RAF1: variants seen among roughly 807,000 people sequenced by gnomAD.
RAF1 encodes the protein Raf-1 proto-oncogene, serine/threonine kinase.
In RAF1, 27 loss-of-function variants were observed where a neutral mutation model predicts 81.1. That is an observed-to-expected ratio of 0.33 (90% confidence interval 0.25 to 0.46). The LOEUF (loss-of-function observed/expected upper bound fraction) is 0.46. Ranked by LOEUF, RAF1 falls within the 20% of genes least tolerant of loss-of-function variation. The pLI is 1.00. For synonymous variants in RAF1, 298 were observed against 294.0 expected, an observed-to-expected ratio of 1.01 and a Z score of -0.14; for missense variants, 598 against 826.0, an observed-to-expected ratio of 0.72 and a Z score of 3.38.
chr3:12,612,447 G>A (rs1476347078), intron 2 of RAF1, among the ~76,000 whole-genome samples: 2 of 152,008 alleles, frequency 1.3e-5, no homozygotes, highest in Admixed American at 6.6e-5. Context: ...TCAGGAGTAC[G>A]AGACCAGCCT....
intron 1 of RAF1, among the ~76,000 whole-genome samples, chr3:12,622,278 C>T (rs111729172): frequency 6.6e-6 from 1 of 152,144 alleles, no homozygotes; most frequent in Non-Finnish European, 1.5e-5. Flanking sequence ...CTCATCTGAG[C>T]ATCTCACTAG....
intron 13 of RAF1, chr3:12,590,584 C>G: frequency 1.7e-6 from 1 of 583,568 alleles, no homozygotes; most frequent in South Asian, 1.9e-5. Context: ...CCTTGGCCTC[C>G]CAAAGTGCTG....
At chr3:12,638,838 C>T (rs941054466) in intron 1 of RAF1, among the ~76,000 whole-genome samples, 1 of 152,106 alleles carries the variant, frequency 6.6e-6, no homozygotes, top group African/African-American at 2.4e-5. Context: ...GAGTTCGAGA[C>T]CAACCTGGCC....
chr3:12,584,349 G>T lies in RAF1; in HGVS notation c.*165C>A. ...CCTTCTCCCAGGGCCCAAAGGGATA[G>T]AAAAGAAGGCAACATGAAGTTAAGG... On this transcript the variant is annotated 3_prime_UTR_variant, in exon 18 of 18. Transcript: ENST00000442415. 1.2e-6 allele frequency: 1 copy of T among 849,846 alleles called. No homozygotes were observed. The highest frequency in any genetic ancestry group is 1.8e-6 in the Non-Finnish European group (1 of 540,908). The allele number at this position is 849,846 out of a possible 1,614,324, so 52.6% of individuals were successfully genotyped here.
At chr3:12,630,079 G>A (rs2059817537) in intron 1 of RAF1, among the ~76,000 whole-genome samples, 1 of 152,086 alleles carries the variant, frequency 6.6e-6, no homozygotes, top group Admixed American at 6.6e-5. Flanking sequence ...CACTACACCT[G>A]GCCTAATTAT....
intron 1 of RAF1, among the ~76,000 whole-genome samples, chr3:12,633,352 G>C (rs1250217863): frequency 6.6e-6 from 1 of 151,598 alleles, no homozygotes; most frequent in Non-Finnish European, 1.5e-5. Context: ...ACACAGTGGC[G>C]AACGCCTGTA....
rs1337331936 is a variant in RAF1, at chr3:12,584,321, C to T, written c.*193G>A. The T allele has an allele frequency of 3.0e-6, 2 of 674,956 alleles. No individual in the cohort carries two copies. Among genetic ancestry groups the T allele is most frequent in the East Asian group, 5.6e-5 (2 of 35,986 alleles). 41.8% of individuals were successfully genotyped at this position (674,956 alleles called of 1,614,324 possible). On this transcript the variant is annotated 3_prime_UTR_variant, in exon 18 of 18. Coordinates refer to ENST00000442415, the MANE Select transcript of RAF1 (RefSeq NM_001354689.3). ...CAGGACACACCAGCACTGCAAATGG[C>T]TTCCTTCTCCCAGGGCCCAAAGGGA...
At chr3:12,610,028 G>A (rs1486240823) in intron 3 of RAF1, among the ~76,000 whole-genome samples, 1 of 151,982 alleles carries the variant, frequency 6.6e-6, no homozygotes, top group African/African-American at 2.4e-5. Flanking sequence ...GTAGTTGTAG[G>A]GTCTATAAGT....
At chr3:12,654,119 G>A (rs1378743515) in intron 1 of RAF1, among the ~76,000 whole-genome samples, 3 of 151,542 alleles carry the variant, frequency 2.0e-5, no homozygotes, top group African/African-American at 7.3e-5. Flanking sequence ...AGCCTACCAA[G>A]TAGCTGGGAC....
At chr3:12,609,722 C>T (rs897048915) in intron 3 of RAF1, among the ~76,000 whole-genome samples, 1 of 152,136 alleles carries the variant, frequency 6.6e-6, no homozygotes, top group African/African-American at 2.4e-5. Context: ...CTCAAGCGGT[C>T]CTCCTGCCTC....
intron 1 of RAF1, among the ~76,000 whole-genome samples, chr3:12,626,591 A>T (rs79043065): frequency 9.3e-5 from 3 of 32,336 alleles, no homozygotes; most frequent in South Asian, 6.3e-3. Context: ...ACCTTGTCTA[A>T]AAAAAAAAAA....
At chr3:12,585,483 C>G in intron 15 of RAF1, 198 bp downstream of exon 14, 2 of 958,406 alleles carry the variant, frequency 2.1e-6, no homozygotes, top group Non-Finnish European at 2.5e-6. Context: ...TTATTAACTC[C>G]TCTCCACACT....
Position 12,611,970 on chromosome 3 carries a change from T to C in RAF1, c.300A>G (p.Arg100=), listed in dbSNP as rs748200172. 4 of 1,614,140 alleles carry C rather than the reference T, an allele frequency of 2.5e-6. No individual in the cohort carries two copies. Among genetic ancestry groups the C allele is most frequent in the Non-Finnish European group, 3.4e-6 (4 of 1,179,970 alleles). Residue 100 remains arginine, a synonymous_variant, in exon 3 of 18, where the codon AGA becomes AGG. Coordinates refer to ENST00000442415, the MANE Select transcript of RAF1 (RefSeq NM_001354689.3). ...CTTACCCTTTGTGTTCGTGGAGAAG[T>C]CTGAACACTGCACAGCACTCTGGTT...
intron 1 of RAF1, among the ~76,000 whole-genome samples, chr3:12,662,338 T>TA (rs61275660): frequency 0.022 from 2,235 of 100,368 alleles, 30 homozygotes; most frequent in Non-Finnish European, 0.036. Flanking sequence ...CCTGTTCCTT[T>TA]AAAAAAAAAA....
At chr3:12,641,130 G>A (rs567716414) in intron 1 of RAF1, among the ~76,000 whole-genome samples, 29 of 146,138 alleles carry the variant, frequency 2.0e-4, no homozygotes, top group Middle Eastern at 3.5e-3. Context: ...ACCAAACGCC[G>A]CATATTCTCA....
In RAF1 at chr3:12,599,804, G is replaced by A; in HGVS notation, c.1055C>T (p.Pro352Leu). The A allele has an allele frequency of 6.2e-7, 1 of 1,612,106 alleles. No individual in the cohort carries two copies. Among genetic ancestry groups the A allele is most frequent in the Non-Finnish European group, 8.5e-7 (1 of 1,178,202 alleles). Reference sequence around the variant, plus strand: ...ATAGCTTGAATCTCTCTGTCCACGAGGCCTCTGAAACAAGTAGAGATCATT... The same window carrying A: ...ATAGCTTGAATCTCTCTGTCCACGAAGCCTCTGAAACAAGTAGAGATCATT... Residue 352 changes from proline (P) to leucine (L), a missense_variant, in exon 11 of 18, where the codon CCT becomes CTT. By Grantham distance (98) the Pro-to-Leu change is moderately conservative. Coordinates refer to ENST00000442415, the MANE Select transcript of RAF1 (RefSeq NM_001354689.3).
chr3:12,624,093 G>T (rs1281609124), intron 1 of RAF1, among the ~76,000 whole-genome samples: 1 of 151,920 alleles, frequency 6.6e-6, no homozygotes, highest in Admixed American at 6.6e-5. Flanking sequence ...GACCTCAGGT[G>T]ATCCACCCGC....
chr3:12,632,264 C>G (rs2059885565), intron 1 of RAF1, among the ~76,000 whole-genome samples: 1 of 142,146 alleles, frequency 7.0e-6, no homozygotes, highest in Non-Finnish European at 1.5e-5. Context: ...GCAGAGGTTG[C>G]AGTGAGCCGA....
intron 1 of RAF1, among the ~76,000 whole-genome samples, chr3:12,662,789 G>A (rs1359002572): frequency 6.6e-6 from 1 of 151,938 alleles, no homozygotes; most frequent in Non-Finnish European, 1.5e-5. Context: ...TCCTCCCCAA[G>A]CAAAACTAAC....
Sources: allele counts gnomAD v4.1 joint callset (sites outside exome capture counted in the v4.1 genomes callset), GRCh38; gene constraint gnomAD v4.1.1; transcripts MANE v1.5; gene names NCBI Gene and HGNC (gene_info 2026-07-23, HGNC 2026-07-21).